Variants in FASTKD5 observed in about 807,000 individuals in gnomAD.
FASTKD5 encodes the protein FAST kinase domains 5.
Under a neutral mutation model 44.0 loss-of-function variants are expected in FASTKD5, and 30 were observed. The ratio of observed to expected loss-of-function variants is 0.68; its 90% CI spans 0.51 to 0.93. The LOEUF (loss-of-function observed/expected upper bound fraction) is 0.93, where lower values mean the gene tolerates loss of function less well. Ranked by LOEUF, FASTKD5 falls within the 40% of genes least tolerant of loss-of-function variation. The probability of loss-of-function intolerance (pLI) is 0.00; values close to 1 mark genes in which losing one functional copy is unlikely to be tolerated. For missense variants in FASTKD5, 868 were observed against 908.2 expected (o/e 0.96, Z 0.57); for synonymous variants, 335 against 342.2 (o/e 0.98, Z 0.23).
chr20:3,148,112 G>A lies in FASTKD5; in HGVS notation c.959C>T (p.Thr320Ile). The A allele has an allele frequency of 2.5e-6, 4 of 1,613,988 alleles. No individual in the cohort carries two copies. The highest frequency in any genetic ancestry group is 3.4e-6 in the Non-Finnish European group (4 of 1,180,014). ...IDLINLEEVG[T>I]ICLGFFKSST... ...TGATTTAAAGAACCCCAAACAGATGGTACCAACCTCCTCCAAATTGATCAA... is the reference window on the plus strand; with the variant it reads ...TGATTTAAAGAACCCCAAACAGATGATACCAACCTCCTCCAAATTGATCAA... The change falls in exon 2 of 2, where the codon ACC (threonine) becomes ATC (isoleucine). Residue 320 changes from threonine to isoleucine, a missense_variant. By Grantham distance (89) the Thr-to-Ile change is moderately conservative. Transcript: ENST00000380266.
chr20:3,148,029 T>C lies in FASTKD5; in HGVS notation c.1042A>G (p.Ile348Val), dbSNP rs114872699. The C allele has an allele frequency of 4.5e-5, 72 of 1,614,212 alleles. No individual in the cohort carries two copies. In the East Asian group the frequency reaches 1.6e-3, roughly 35 times the overall value. The part of the protein sequence containing the change: ...RKIGDLACAN[I>V]QHLSSRSLVN... ...AAGGAGCGACTACTCAGATGCTGAA[T>C]GTTAGCACAAGCCAAGTCTCCAATT... The change falls in exon 2 of 2, where the codon ATT (isoleucine) becomes GTT (valine). Residue 348 changes from isoleucine to valine, a missense_variant. Physicochemically the swap from Ile to Val is conservative, Grantham distance 29. Transcript: ENST00000380266.
rs780517941 is a variant in FASTKD5, at chr20:3,149,020, G to T, written c.51C>A (p.Cys17Ter). 3 of 1,613,876 alleles carry T rather than the reference G, an allele frequency of 1.9e-6. No individual in the cohort carries two copies. The South Asian group carries it at 3.3e-5, about 18-fold the overall frequency. Residue 17 changes from cysteine to a stop codon, truncating the protein, a stop_gained, in exon 2 of 2, where the codon TGC becomes TGA. Transcript: ENST00000380266. LOFTEE classifies it high-confidence loss of function. This position sits in a 1 kb window ranked among gnomAD's most constrained non-coding sequence, Gnocchi z 4.1. The part of the protein sequence containing the change: ...SLKLVRYRAF[C>*]SPSAFGAVRS... ...GGACTGCACCAAAGGCAGAAGGACT[G>T]CAAAATGCTCGGTATCTTACAAGTT...
rs976466732 is a variant in FASTKD5, at chr20:3,149,784, G to A, written c.-190-524C>T. On this transcript the variant is annotated intron_variant, in intron 1 of 1. Transcript: ENST00000380266. The surrounding 1 kb of genome is among the most constrained non-coding windows in gnomAD (Gnocchi z 4.1). ...TGTAATGCCAGCACTTTGGGAGGCC[G>A]AGGCAGGCAGATCACTTGAGGTCAG... Among the ~76,000 whole-genome samples the A allele has an allele frequency of 3.3e-5, 5 of 152,158 alleles. No individual in the cohort carries two copies. The East Asian group carries it at 5.8e-4, about 18-fold the overall frequency.
rs2066585965 is a variant in FASTKD5, at chr20:3,148,015, A to C, written c.1056T>G (p.Ser352Arg). 1 of 1,614,190 alleles carries C rather than the reference A, an allele frequency of 6.2e-7. No individual in the cohort carries two copies. Among genetic ancestry groups the C allele is most frequent in the African/African-American group, 1.3e-5 (1 of 75,052 alleles). ...TAACAATATTCACTAAGGAGCGACT[A>C]CTCAGATGCTGAATGTTAGCACAAG... ...DLACANIQHL[S>R]SRSLVNIVKM... Residue 352 changes from serine (S) to arginine (R), a missense_variant, in exon 2 of 2, where the codon AGT becomes AGG. Transcript: ENST00000380266.
Position 3,147,801 on chromosome 20 carries a change from G to A in FASTKD5, c.1270C>T (p.His424Tyr). ...TTGGCAACATCTTTACTTCGACAGT[G>A]TGCCACTCTAGGAGGCAAAGACGCA... ...VAASLPPRVA[H>Y]CRSKDVAKIL... The change falls in exon 2 of 2, where the codon CAC becomes TAC. Residue 424 changes from histidine (H) to tyrosine (Y), a missense_variant. By Grantham distance (83) the His-to-Tyr change is moderately conservative. Transcript: ENST00000380266. 1.2e-6 allele frequency: 2 copies of A among 1,614,182 alleles called. No homozygotes were observed. The highest frequency in any genetic ancestry group is 1.7e-6 in the Non-Finnish European group (2 of 1,180,042).
rs1480548077 is a variant in FASTKD5, at chr20:3,158,533, G to C, written c.-191+1233C>G. On this transcript the variant is annotated intron_variant, in intron 1 of 1. Transcript: ENST00000380266. ...CTCTCGCCCAGGCTGGAGTGCAGTG[G>C]CGCGATCTCGGCTCACTGCACACTC... 2.0e-5 allele frequency among the ~76,000 whole-genome samples: 3 copies of C among 152,098 alleles called. No homozygotes were observed. The East Asian group carries it at 5.8e-4, about 29-fold the overall frequency.
At position 3,149,169 on chromosome 20, in the gene FASTKD5, G is replaced by A. The variant is rs561683003; in HGVS notation, c.-99C>T. 2.5e-5 allele frequency: 34 copies of A among 1,358,734 alleles called. No homozygotes were observed. Among genetic ancestry groups the A allele is most frequent in the East Asian group, 2.3e-4 (10 of 42,558 alleles). 84.2% of individuals were successfully genotyped at this position (1,358,734 alleles called of 1,614,324 possible). On this transcript the variant is annotated 5_prime_UTR_variant, in exon 2 of 2. Transcript: ENST00000380266. This position sits in a 1 kb window ranked among gnomAD's most constrained non-coding sequence, Gnocchi z 4.1. ...ATATGGTGCTTGATTAGAGCTGGAC[G>A]GGGAGGTGTTCCACAAAAACTGCCT...
In FASTKD5 at chr20:3,147,071, C is replaced by T; in HGVS notation, c.2000G>A (p.Gly667Asp). Residue 667 changes from glycine (G) to aspartate (D), a missense_variant, in exon 2 of 2, where the codon GGC becomes GAC. Physicochemically the swap from Gly to Asp is moderately conservative, Grantham distance 94 (BLOSUM62 -1). Transcript: ENST00000380266. The stretch of plus-strand genomic sequence containing the variant: ...TTTATCTGCTACATTGCAAAGGAAG[C>T]CCCCCAGAGGTACAGCTGCCTTATT... ...LENKAAVPLGGFLCNVADKSG... is the reference protein window; with the variant it reads ...LENKAAVPLGDFLCNVADKSG... 1.2e-6 allele frequency: 2 copies of T among 1,614,078 alleles called. 1 individual carries two copies. Among genetic ancestry groups the T allele is most frequent in the South Asian group, 2.2e-5 (2 of 91,082 alleles).
chr20:3,157,043 G>A (rs371490512), intron 1 of FASTKD5, among the ~76,000 whole-genome samples: 2 of 152,108 alleles, frequency 1.3e-5, no homozygotes, highest in African/African-American at 2.4e-5. Context: ...GGCAGATCAC[G>A]TGAGGCCAGG....
At chr20:3,157,639 TAAC>T (rs1191592534) in intron 1 of FASTKD5, among the ~76,000 whole-genome samples, 1 of 152,142 alleles carries the variant, frequency 6.6e-6, no homozygotes, top group Non-Finnish European at 1.5e-5. Flanking sequence ...CCTCTCCATA[TAAC>T]AACAGGCAGT....
At chr20:3,152,643 C>T (rs1429725230) in intron 1 of FASTKD5, among the ~76,000 whole-genome samples, 1 of 152,130 alleles carries the variant, frequency 6.6e-6, no homozygotes, top group Non-Finnish European at 1.5e-5. Flanking sequence ...CACAGTGGCT[C>T]ACACCTATAA....
At chr20:3,152,100 C>CAAAAAAAAAAAAAA (rs60655157) in intron 1 of FASTKD5, among the ~76,000 whole-genome samples, 1 of 62,876 alleles carries the variant, frequency 1.6e-5, no homozygotes, top group Non-Finnish European at 3.4e-5. Flanking sequence ...GACTCTGTCT[C>CAAAAAAAAAAAAAA]AAAAAAAAAA....
At chr20:3,156,513 A>C (rs1482350151) in intron 1 of FASTKD5, among the ~76,000 whole-genome samples, 1 of 152,096 alleles carries the variant, frequency 6.6e-6, no homozygotes, top group East Asian at 1.9e-4. Context: ...ACCTGATATG[A>C]TTTCACAAAA....
chr20:3,148,266 GA>G lies in FASTKD5; in HGVS notation c.804del (p.Asn270IlefsTer12), dbSNP rs1421189058. On this transcript the variant is annotated frameshift_variant, in exon 2 of 2. Transcript: ENST00000380266. LOFTEE classifies it high-confidence loss of function. ...VPRFLNIFSS[Y>X]LNLHWKDLSL... ...GATAGATCCTTCCAGTGCAAATTAA[GA>G]TAACTAGAAAAAATGTTTAAAAACC... 1 of 1,611,382 alleles carries G rather than the reference GA, an allele frequency of 6.2e-7. No homozygotes were observed.
chr20:3,148,893 A>G lies in FASTKD5; in HGVS notation c.178T>C (p.Cys60Arg), dbSNP rs780156595. The G allele has an allele frequency of 4.3e-6, 7 of 1,614,072 alleles. No homozygotes were observed. The highest frequency in any genetic ancestry group is 4.5e-5 in the East Asian group (2 of 44,904). ...ATTCTCCGAGAAGAGAAGGTGCTAC[A>G]TATGTTCTTAACTTTTTTGGCAGAA... ...CHSAKKVKNI[C>R]STFSSRRILT... is the part of the protein sequence containing the mutation. The change falls in exon 2 of 2, where the codon TGT becomes CGT. Residue 60 changes from cysteine (C) to arginine (R), a missense_variant. Physicochemically the swap from Cys to Arg is radical, Grantham distance 180. Coordinates refer to ENST00000380266, the MANE Select transcript of FASTKD5 (RefSeq NM_021826.5).
chr20:3,152,733 C>T (rs565534836), intron 1 of FASTKD5, among the ~76,000 whole-genome samples: 1 of 151,990 alleles, frequency 6.6e-6, no homozygotes, highest in South Asian at 2.1e-4. Context: ...TATGGGGAAA[C>T]GCCATCTCTA....
In FASTKD5 at chr20:3,147,262, A is replaced by G. The variant is rs2066574559; in HGVS notation, c.1809T>C (p.Phe603=). 1 of 1,614,198 alleles carries G rather than the reference A, an allele frequency of 6.2e-7. No homozygotes were observed. Among genetic ancestry groups the G allele is most frequent in the Non-Finnish European group, 8.5e-7 (1 of 1,180,044 alleles). ...TTTCAGCCGGCGTGGCTTCTCTATT[A>G]AATGGTAATGGCTTCAGGTTAACAT... is the stretch of plus-strand genomic sequence containing the variant. ...QLDVNLKPLP[F]NREATPAENV... The change falls in exon 2 of 2, where the codon TTT becomes TTC. Residue 603 remains phenylalanine (F), a synonymous_variant. Transcript: ENST00000380266.
Position 3,147,218 on chromosome 20 carries a change from A to T in FASTKD5, c.1853T>A (p.Leu618His). 1 of 1,614,216 alleles carries T rather than the reference A, an allele frequency of 6.2e-7. No individual in the cohort carries two copies. The highest frequency in any genetic ancestry group is 8.5e-7 in the Non-Finnish European group (1 of 1,180,048). The change falls in exon 2 of 2, where the codon CTT (leucine) becomes CAT (histidine). Residue 618 changes from leucine (L) to histidine (H), a missense_variant. Physicochemically the swap from Leu to His is moderately conservative, Grantham distance 99 (BLOSUM62 -3). Transcript: ENST00000380266. ...TGTAAGGCTGACTCCCACATGCTCAAGCCTTAATTTGGCTACATTTTCAGC... is the reference window on the plus strand; with the variant it reads ...TGTAAGGCTGACTCCCACATGCTCATGCCTTAATTTGGCTACATTTTCAGC... ...TPAENVAKLR[L>H]EHVGVSLTDD...
rs866440679 is a variant in FASTKD5 at position 3,158,602 on chromosome 20, G to A, written c.-191+1164C>T. ...CCACGCTCCTGCCTCAGCCTCCAGAGTAGCTGGGACTACAGGCGCCCGCCA... is the reference window on the plus strand; with the variant it reads ...CCACGCTCCTGCCTCAGCCTCCAGAATAGCTGGGACTACAGGCGCCCGCCA... On this transcript the variant is annotated intron_variant, in intron 1 of 1. Coordinates refer to ENST00000380266, the MANE Select transcript of FASTKD5 (RefSeq NM_021826.5). Among the ~76,000 whole-genome samples, 7 of 152,288 alleles carry A rather than the reference G, an allele frequency of 4.6e-5. No individual in the cohort carries two copies. The South Asian group carries it at 1.5e-3, about 32-fold the overall frequency.
Sources: gnomAD v4.1 joint callset for allele counts (sites outside exome capture counted in the v4.1 genomes callset) on GRCh38, gnomAD v4.1.1 for gene constraint, Gnocchi (gnomAD v3.1) non-coding constraint, MANE v1.5 for transcripts, NCBI Gene and HGNC (gene_info 2026-07-23, HGNC 2026-07-21) for gene names.